Variants in FAR2 observed in about 807,000 individuals in gnomAD.
FAR2 encodes fatty acyl-CoA reductase 2.
Under a neutral mutation model 56.0 loss-of-function variants are expected in FAR2, and 19 were observed. The observed-to-expected ratio is 0.34, with a 90% CI of 0.24 to 0.50. The LOEUF (loss-of-function observed/expected upper bound fraction) is 0.50, where lower values mean the gene tolerates loss of function less well. Among genes scored for constraint, FAR2 ranks in the 20% least tolerant of loss-of-function variants. FAR2 has a pLI of 0.98. For missense variants in FAR2, 508 were observed against 642.2 expected (o/e 0.79, Z 2.26); for synonymous variants, 219 against 218.8 (o/e 1.00, Z -0.01).
chr12:29,309,025 T>TTGA (rs1263419463), intron 5 of FAR2, among the ~76,000 whole-genome samples, 161 bp from the exon 6 acceptor site: 3 of 152,200 alleles, frequency 2.0e-5, no homozygotes, highest in Admixed American at 1.3e-4. Context: ...GCCAATGCTT[T>TTGA]GCCATTATCT....
intron 4 of FAR2, among the ~76,000 whole-genome samples, chr12:29,298,294 G>T (rs1407285018): frequency 3.4e-5 from 5 of 145,440 alleles, no homozygotes; most frequent in Non-Finnish European, 6.1e-5. Context: ...AGTTTACCTT[G>T]TTTTTTTTTT....
At chr12:29,274,493 G>T (rs550718835) in intron 2 of FAR2, among the ~76,000 whole-genome samples, 1 of 151,866 alleles carries the variant, frequency 6.6e-6, no homozygotes, top group Non-Finnish European at 1.5e-5. Flanking sequence ...GAATAGTGCC[G>T]CAATAAACAT....
intron 1 of FAR2, among the ~76,000 whole-genome samples, chr12:29,200,385 G>A (rs1331333117): frequency 6.6e-6 from 1 of 152,186 alleles, no homozygotes; most frequent in African/African-American, 2.4e-5. Context: ...GAAGAGAATA[G>A]AGTTTCAAAG....
chr12:29,154,446 G>GT (rs1383929602), intron 1 of FAR2, among the ~76,000 whole-genome samples: 2 of 140,144 alleles, frequency 1.4e-5, no homozygotes, highest in Non-Finnish European at 1.6e-5. Flanking sequence ...GTTTTGTTTT[G>GT]TTTTTTGAGA....
chr12:29,239,349 C>A (rs1377376005), intron 1 of FAR2, among the ~76,000 whole-genome samples: 1 of 151,958 alleles, frequency 6.6e-6, no homozygotes, highest in Non-Finnish European at 1.5e-5. Flanking sequence ...GGCAGGAAAC[C>A]CTTTCCATTT....
At chr12:29,159,521 G>GAAA (rs10623094) in intron 1 of FAR2, among the ~76,000 whole-genome samples, 64,464 of 139,380 alleles carry the variant, frequency 0.46, 16,380 homozygotes, top group Admixed American at 0.59. Flanking sequence ...CTCTGTCTCG[G>GAAA]AAAAAAAAAA....
chr12:29,206,269 C>T (rs570171793), intron 1 of FAR2, among the ~76,000 whole-genome samples: 7 of 152,334 alleles, frequency 4.6e-5, no homozygotes, highest in African/African-American at 1.7e-4. Context: ...ATTGTTGCAA[C>T]ATTCCTTCGA....
At chr12:29,323,274 C>T (rs1715052519) in intron 10 of FAR2, among the ~76,000 whole-genome samples, 1 of 152,238 alleles carries the variant, frequency 6.6e-6, no homozygotes, top group Non-Finnish European at 1.5e-5. Context: ...TGGAGCCCAC[C>T]ACAGATCAAG....
intron 1 of FAR2, among the ~76,000 whole-genome samples, chr12:29,255,170 T>C (rs903729417): frequency 6.6e-6 from 1 of 152,116 alleles, no homozygotes; most frequent in African/African-American, 2.4e-5. Flanking sequence ...AGGCTAGAAT[T>C]CAAGATCAAG....
intron 1 of FAR2, among the ~76,000 whole-genome samples, chr12:29,150,399 G>A (rs1284630377): frequency 6.6e-6 from 1 of 152,162 alleles, no homozygotes; most frequent in Non-Finnish European, 1.5e-5. Context: ...GACAGAGTAG[G>A]GTCAGAAAAG....
In FAR2 at chr12:29,329,515, A is replaced by G. The variant is rs76742422; in HGVS notation, c.1258-3085A>G. ...GGCTCAAAATTCAGTTTGAATTGCC[A>G]TATGGAATCAGGATTCTGAACAGGG... On this transcript the variant is annotated intron_variant, in intron 10 of 11. Coordinates refer to ENST00000536681, the MANE Select transcript of FAR2 (RefSeq NM_001271783.2). Among the ~76,000 whole-genome samples the G allele has an allele frequency of 9.1e-4, 138 of 152,342 alleles. 1 individual carries two copies. Among genetic ancestry groups the G allele is most frequent in the African/African-American group, 3.0e-3 (126 of 41,594 alleles).
At chr12:29,183,664 A>G (rs1297567035) in intron 1 of FAR2, among the ~76,000 whole-genome samples, 1 of 152,182 alleles carries the variant, frequency 6.6e-6, no homozygotes, top group African/African-American at 2.4e-5. Flanking sequence ...CAGCAATCAA[A>G]TTTCATTTGA....
rs897484391 is a variant in FAR2 at position 29,254,505 on chromosome 12, T to C, written c.-38-15907T>C. 5.3e-5 allele frequency among the ~76,000 whole-genome samples: 8 copies of C among 152,330 alleles called. 1 individual carries two copies. Among genetic ancestry groups the C allele is most frequent in the Middle Eastern group, 3.4e-3 (1 of 294 alleles). ...GTGTGCCATTGTGCCCAGCCTGATA[T>C]ATACATTTTCAAGGCTTGGATCAAT... On this transcript the variant is annotated intron_variant, in intron 1 of 11. Transcript: ENST00000536681.
At chr12:29,308,015 G>A in intron 5 of FAR2, 180 bp downstream of exon 5, 1 of 589,320 alleles carries the variant, frequency 1.7e-6, no homozygotes, top group Non-Finnish European at 2.9e-6. Flanking sequence ...TACCCAGCAT[G>A]TGGCTCCTCT....
At chr12:29,208,645 C>T (rs1325178102) in intron 1 of FAR2, among the ~76,000 whole-genome samples, 1 of 151,514 alleles carries the variant, frequency 6.6e-6, no homozygotes, top group Non-Finnish European at 1.5e-5. Context: ...GAGCTGAGTG[C>T]CAGAGAGAAA....
intron 1 of FAR2, among the ~76,000 whole-genome samples, chr12:29,227,373 T>A (rs1947785504): frequency 6.6e-6 from 1 of 152,230 alleles, no homozygotes; most frequent in Non-Finnish European, 1.5e-5. Flanking sequence ...TAATGGTTCA[T>A]CCCCTATTCC....
In FAR2 at chr12:29,309,231, G is replaced by A; in HGVS notation, c.768+1G>A. 6.3e-7 allele frequency: 1 copy of A among 1,594,444 alleles called. No individual in the cohort carries two copies. Among genetic ancestry groups the A allele is most frequent in the Non-Finnish European group, 8.6e-7 (1 of 1,164,442 alleles). On this transcript the variant is annotated splice_donor_variant, in intron 6 of 11. Transcript: ENST00000536681. LOFTEE classifies it high-confidence loss of function. ...TGGACCTAATGGAATCATTATTGCG[G>A]TATGTATAATGATGAAGAAATAACT...
At chr12:29,320,621 C>T (rs1413901831) in intron 9 of FAR2, among the ~76,000 whole-genome samples, 1 of 152,212 alleles carries the variant, frequency 6.6e-6, no homozygotes, top group Non-Finnish European at 1.5e-5. Context: ...AAATCAAGTG[C>T]TTTACAGGCC....
chr12:29,179,229 C>T (rs1399186817), intron 1 of FAR2, among the ~76,000 whole-genome samples: 2 of 152,168 alleles, frequency 1.3e-5, no homozygotes, highest in Non-Finnish European at 2.9e-5. Flanking sequence ...GGACAAAATT[C>T]AGCCCATAAC....
Sources: gnomAD v4.1 joint callset for allele counts (sites outside exome capture counted in the v4.1 genomes callset) on GRCh38, gnomAD v4.1.1 for gene constraint, MANE v1.5 for transcripts, NCBI Gene and HGNC (gene_info 2026-07-23, HGNC 2026-07-21) for gene names.